ST3GAL5: variants seen among roughly 807,000 people sequenced by gnomAD.
The protein encoded by ST3GAL5 is ST3 beta-galactoside alpha-2,3-sialyltransferase 5, also known as lactosylceramide alpha-2,3-sialyltransferase.
Under a neutral mutation model 46.1 loss-of-function variants are expected in ST3GAL5, and 25 were observed. The ratio of observed to expected loss-of-function variants is 0.54; its 90% CI spans 0.40 to 0.76. ST3GAL5 has a LOEUF of 0.76. ST3GAL5 is among the 30% of genes least tolerant of loss of function. ST3GAL5 has a pLI of 0.00. For missense variants in ST3GAL5, 431 were observed against 521.2 expected (o/e 0.83, Z 1.69); for synonymous variants, 182 against 192.7 (o/e 0.94, Z 0.46).
intron 4 of ST3GAL5, among the ~76,000 whole-genome samples, chr2:85,846,947 C>A (rs907259303): frequency 6.6e-6 from 1 of 152,208 alleles, no homozygotes; most frequent in Admixed American, 6.5e-5. Context: ...ATCTAGTCCA[C>A]CATGCCTGGC....
chr2:85,863,994 C>T (rs1202487850), intron 1 of ST3GAL5, among the ~76,000 whole-genome samples: 2 of 152,194 alleles, frequency 1.3e-5, no homozygotes, highest in Admixed American at 1.3e-4. Context: ...GCATGAGCCA[C>T]TGCACCCGGC....
chr2:85,875,416 G>A, intron 1 of ST3GAL5: 1 of 137,792 alleles, frequency 7.3e-6, no homozygotes, highest in African/African-American at 2.7e-5. Flanking sequence ...ATACTCAACT[G>A]TTTGGCTATT....
At position 85,839,913 on chromosome 2, in the gene ST3GAL5, A is replaced by G. The variant is rs1012060518; in HGVS notation, c.*231T>C. The G allele has an allele frequency of 3.5e-6, 2 of 576,044 alleles. No individual in the cohort carries two copies. The highest frequency in any genetic ancestry group is 3.7e-5 in the African/African-American group (2 of 53,406). 35.7% of individuals were successfully genotyped at this position (576,044 alleles called of 1,614,324 possible). On this transcript the variant is annotated 3_prime_UTR_variant, in exon 7 of 7. Transcript: ENST00000638572. ...CAATTCTCTTTGAGAAGTCTTTCCAATTCAATTCTTAAGTTTCATTTACAA... is the reference window on the plus strand; with the variant it reads ...CAATTCTCTTTGAGAAGTCTTTCCAGTTCAATTCTTAAGTTTCATTTACAA...
chr2:85,882,415 G>A (rs1336536303), intron 1 of ST3GAL5, among the ~76,000 whole-genome samples: 5 of 152,322 alleles, frequency 3.3e-5, no homozygotes, highest in African/African-American at 1.2e-4. Flanking sequence ...CATGAAAGTG[G>A]CTAGGAGGGA....
intron 6 of ST3GAL5, among the ~76,000 whole-genome samples, chr2:85,841,007 T>C (rs943465747): frequency 2.2e-5 from 3 of 136,016 alleles, no homozygotes; most frequent in Non-Finnish European, 4.8e-5. Context: ...GTCCTTCCTA[T>C]ATGTGATGCC....
intron 6 of ST3GAL5, among the ~76,000 whole-genome samples, chr2:85,841,039 TA>T (rs995086327): frequency 7.3e-5 from 7 of 96,360 alleles, no homozygotes; most frequent in Non-Finnish European, 1.1e-4. Flanking sequence ...AAAAAAAAAA[TA>T]AAAAAAAAAG....
rs185114215 is a variant in ST3GAL5, at chr2:85,874,300, T to G, written c.83-10815A>C. 1.2e-3 allele frequency among the ~76,000 whole-genome samples: 189 copies of G among 152,274 alleles called. 1 individual carries two copies. Among genetic ancestry groups the G allele is most frequent in the Non-Finnish European group, 3.7e-4 (25 of 68,020 alleles). On this transcript the variant is annotated intron_variant, in intron 1 of 6. Coordinates refer to ENST00000638572, the MANE Select transcript of ST3GAL5 (RefSeq NM_003896.4). ...TCTGAGCCCTTGGACTATATGAACATTCTCTAAAACTATAATGTTCCCAGC... is the reference window on the plus strand; with the variant it reads ...TCTGAGCCCTTGGACTATATGAACAGTCTCTAAAACTATAATGTTCCCAGC...
At chr2:85,841,336 T>C (rs1311784054) in intron 6 of ST3GAL5, among the ~76,000 whole-genome samples, 3 of 118,376 alleles carry the variant, frequency 2.5e-5, no homozygotes, top group African/African-American at 1.2e-4. Context: ...GTAAATTTTG[T>C]TTTTTTTTTT....
Position 85,861,193 on chromosome 2 carries a change from A to C in ST3GAL5, c.306T>G (p.Pro102=). ...TGGGATATCTAACCTTTACATGGTCAGGGTCCACATAATGCATTTTTTTCA... is the reference window on the plus strand; with the variant it reads ...TGGGATATCTAACCTTTACATGGTCCGGGTCCACATAATGCATTTTTTTCA... The part of the protein sequence containing the change: ...CDMKKMHYVD[P]DHVKRAQKYA... Residue 102 remains proline, a synonymous_variant, in exon 3 of 7, where the codon CCT becomes CCG. Transcript: ENST00000638572. 1 of 1,605,238 alleles carries C rather than the reference A, an allele frequency of 6.2e-7. No individual in the cohort carries two copies. Among genetic ancestry groups the C allele is most frequent in the Non-Finnish European group, 8.5e-7 (1 of 1,172,342 alleles).
rs1432753402 is a variant in ST3GAL5 at position 85,840,283 on chromosome 2, T to C, written c.1118A>G (p.His373Arg). 6.2e-7 allele frequency: 1 copy of C among 1,614,154 alleles called. No individual in the cohort carries two copies. The highest frequency in any genetic ancestry group is 1.1e-5 in the South Asian group (1 of 91,082). ...AGCCATGCATTGACTGTCGAAGTAGTGCAAAGGTGTTCTGGGTTGATTGAG... is the reference window on the plus strand; with the variant it reads ...AGCCATGCATTGACTGTCGAAGTAGCGCAAAGGTGTTCTGGGTTGATTGAG... ...YDLNQPRTPL[H>R]YFDSQCMAAM... The change falls in exon 7 of 7, where the codon CAC becomes CGC. Residue 373 changes from histidine (H) to arginine (R), a missense_variant. Coordinates refer to ENST00000638572, the MANE Select transcript of ST3GAL5 (RefSeq NM_003896.4).
chr2:85,868,143 C>A (rs1024739048), intron 1 of ST3GAL5: 17 of 167,060 alleles, frequency 1.0e-4, no homozygotes, highest in Non-Finnish European at 2.1e-4. Flanking sequence ...TCATGATCAC[C>A]TTGACACCAT....
intron 1 of ST3GAL5, among the ~76,000 whole-genome samples, chr2:85,886,196 A>G (rs1687740442): frequency 6.6e-6 from 1 of 152,232 alleles, no homozygotes. Flanking sequence ...TGGGAGGGCA[A>G]TGTGGGAGAA....
rs1001653097 is a variant in ST3GAL5 at position 85,841,488 on chromosome 2, C to T, written c.1009-1096G>A. On this transcript the variant is annotated intron_variant, in intron 6 of 6. Coordinates refer to ENST00000638572, the MANE Select transcript of ST3GAL5 (RefSeq NM_003896.4). ...AGCTGGGACTACAGGCATGTGCCAC[C>T]ATGCCCAGCTACTTTTTGTATTTTT... 5.1e-4 allele frequency among the ~76,000 whole-genome samples: 78 copies of T among 152,054 alleles called. 1 individual carries two copies. Among genetic ancestry groups the T allele is most frequent in the African/African-American group, 1.2e-4 (5 of 41,388 alleles).
At chr2:85,854,716 A>G (rs1683906776) in intron 3 of ST3GAL5, 2 of 152,364 alleles carry the variant, frequency 1.3e-5, no homozygotes, top group Admixed American at 1.3e-4. Flanking sequence ...AGTTGAATAT[A>G]TGTAAGTGCA....
chr2:85,860,976 T>C (rs1684662198), intron 3 of ST3GAL5: 1 of 563,014 alleles, frequency 1.8e-6, no homozygotes, highest in Non-Finnish European at 3.2e-6. Context: ...CTGCAGTAAA[T>C]GGGAGAAGGA....
chr2:85,861,293 C>A lies in ST3GAL5; in HGVS notation c.207-1G>T, dbSNP rs1442872926. On this transcript the variant is annotated splice_acceptor_variant, in intron 2 of 6. Transcript: ENST00000638572. LOFTEE classifies it high-confidence loss of function. Reference sequence around the variant, plus strand: ...CACTCCAAACACAAGCAATGTACATCTGGAAAAAAATCAATTAGGTATTAT... The same window carrying A: ...CACTCCAAACACAAGCAATGTACATATGGAAAAAAATCAATTAGGTATTAT... The A allele has an allele frequency of 6.3e-7, 1 of 1,590,016 alleles. No individual in the cohort carries two copies. Among genetic ancestry groups the A allele is most frequent in the African/African-American group, 1.3e-5 (1 of 74,474 alleles).
At chr2:85,879,315 C>T (rs1412738424) in intron 1 of ST3GAL5, among the ~76,000 whole-genome samples, 1 of 152,120 alleles carries the variant, frequency 6.6e-6, no homozygotes, top group African/African-American at 2.4e-5. Flanking sequence ...CCAGCCAAGA[C>T]CCATCCTGTG....
In ST3GAL5 at chr2:85,839,751, A is replaced by G; in HGVS notation, c.*393T>C. The stretch of plus-strand genomic sequence containing the variant: ...AGCAGCGCAGCAGGGAACCAGAATG[A>G]GGTTCAGGGCCACCATCAAAAGAGT... On this transcript the variant is annotated 3_prime_UTR_variant, in exon 7 of 7. Coordinates refer to ENST00000638572, the MANE Select transcript of ST3GAL5 (RefSeq NM_003896.4). The G allele has an allele frequency of 3.1e-6, 1 of 326,036 alleles. No individual in the cohort carries two copies. The highest frequency in any genetic ancestry group is 5.9e-6 in the Non-Finnish European group (1 of 168,446). 20.2% of individuals were successfully genotyped at this position (326,036 alleles called of 1,614,324 possible).
intron 1 of ST3GAL5, among the ~76,000 whole-genome samples, chr2:85,869,646 A>G (rs1685691856): frequency 6.6e-6 from 1 of 152,220 alleles, no homozygotes; most frequent in Admixed American, 6.5e-5. Flanking sequence ...AGAAAGGACC[A>G]CACGTTTGCT....
Sources: allele counts gnomAD v4.1 joint callset (sites outside exome capture counted in the v4.1 genomes callset), GRCh38; gene constraint gnomAD v4.1.1; transcripts MANE v1.5; gene names NCBI Gene and HGNC (gene_info 2026-07-23, HGNC 2026-07-21).